The following ESRRB variants were observed in gnomAD, a reference collection of about 807,000 sequenced individuals.
ESRRB encodes the protein estrogen related receptor beta.
A neutral mutation model predicts 46.0 loss-of-function variants in ESRRB; 16 were observed. The ratio of observed to expected loss-of-function variants is 0.35; its 90% CI spans 0.24 to 0.53. The LOEUF is 0.53. Ranked by LOEUF, ESRRB falls within the 20% of genes least tolerant of loss-of-function variation. The pLI, the probability that ESRRB is intolerant of heterozygous loss-of-function variation, is 0.93. For missense variants in ESRRB, 488 were observed against 607.4 expected, an observed-to-expected ratio of 0.80 and a Z score of 2.07; for synonymous variants, 246 against 259.6, an observed-to-expected ratio of 0.95 and a Z score of 0.50.
chr14:76,352,180 C>T (rs568578099), intron 1 of ESRRB, among the ~76,000 whole-genome samples: 1 of 152,254 alleles, frequency 6.6e-6, no homozygotes, highest in African/African-American at 2.4e-5. Context: ...CCCTCCTTTA[C>T]CCGCCTGACT....
chr14:76,325,315 G>T (rs1160711342), intron 1 of ESRRB, among the ~76,000 whole-genome samples: 1 of 152,122 alleles, frequency 6.6e-6, no homozygotes, highest in Non-Finnish European at 1.5e-5. Context: ...AAATACGGAA[G>T]ATAAATTCTT....
At chr14:76,327,087 G>A (rs988805980) in intron 1 of ESRRB, among the ~76,000 whole-genome samples, 2 of 152,256 alleles carry the variant, frequency 1.3e-5, no homozygotes, top group African/African-American at 2.4e-5. Flanking sequence ...CTTCCTGGCT[G>A]CTGGGCAAGT....
chr14:76,328,894 A>G (rs187169568), intron 1 of ESRRB, among the ~76,000 whole-genome samples: 322 of 152,236 alleles, frequency 2.1e-3, no homozygotes, highest in Non-Finnish European at 3.9e-3. Context: ...TATGTTGCAA[A>G]TATTCAAAGG....
chr14:76,422,358 G>A (rs1401253354), intron 1 of ESRRB, among the ~76,000 whole-genome samples: 5 of 151,882 alleles, frequency 3.3e-5, no homozygotes, highest in African/African-American at 2.4e-5. Context: ...CTACAGGCAC[G>A]TGCCACCACA....
At chr14:76,468,087 A>G (rs1398353526) in intron 3 of ESRRB, among the ~76,000 whole-genome samples, 4 of 152,126 alleles carry the variant, frequency 2.6e-5, no homozygotes, top group African/African-American at 9.7e-5. Flanking sequence ...TGGCCAGCTC[A>G]TGTCAGGAAA....
intron 1 of ESRRB, among the ~76,000 whole-genome samples, chr14:76,346,482 G>A (rs899313030): frequency 6.6e-6 from 1 of 152,250 alleles, no homozygotes; most frequent in Non-Finnish European, 1.5e-5. Context: ...GAGGCAGAGA[G>A]CATAGGGGTC....
intron 1 of ESRRB, among the ~76,000 whole-genome samples, chr14:76,386,748 T>A (rs994979993): frequency 5.9e-5 from 9 of 152,142 alleles, no homozygotes; most frequent in African/African-American, 2.2e-4. Context: ...ATTTTACCAA[T>A]ATGAATGTGT....
chr14:76,452,234 C>T lies in ESRRB; in HGVS notation c.461-10311C>T, dbSNP rs529301526. 3.3e-5 allele frequency among the ~76,000 whole-genome samples: 5 copies of T among 152,114 alleles called. No individual in the cohort carries two copies. The South Asian group carries it at 1.0e-3, about 32-fold the overall frequency. On this transcript the variant is annotated intron_variant, in intron 2 of 6. Coordinates refer to ENST00000644823, the MANE Select transcript of ESRRB (RefSeq NM_001379180.1). ...GGATTACAGGTGTGAGCCATTACAT[C>T]CGGCCACAGGAAGCAATTTTAACAG...
intron 1 of ESRRB, among the ~76,000 whole-genome samples, chr14:76,323,144 A>T (rs562388867): frequency 6.6e-6 from 1 of 152,078 alleles, no homozygotes; most frequent in Non-Finnish European, 1.5e-5. Flanking sequence ...CCTTTTCTCT[A>T]TGCCACAGTG....
At chr14:76,350,405 G>A (rs1000354840) in intron 1 of ESRRB, among the ~76,000 whole-genome samples, 7 of 152,124 alleles carry the variant, frequency 4.6e-5, no homozygotes, top group East Asian at 3.9e-4. Flanking sequence ...ATATGCCTGC[G>A]AATGTTTGTA....
chr14:76,366,986 G>A (rs2139776754), upstream of ESRRB, among the ~76,000 whole-genome samples: 1 of 152,272 alleles, frequency 6.6e-6, no homozygotes, highest in East Asian at 1.9e-4. Flanking sequence ...ATAATTAAAT[G>A]GAAAGAAAGT....
intron 1 of ESRRB, among the ~76,000 whole-genome samples, chr14:76,352,270 A>G (rs1359826241): frequency 6.6e-6 from 1 of 152,202 alleles, no homozygotes; most frequent in Non-Finnish European, 1.5e-5. Flanking sequence ...GAACCTATGT[A>G]AATGCCTTAA....
chr14:76,495,497 G>C (rs1321385993), intron 6 of ESRRB: 1 of 151,498 alleles, frequency 6.6e-6, no homozygotes, highest in Non-Finnish European at 1.5e-5. Flanking sequence ...TTGAGCATGA[G>C]GCCCTCTTGC....
chr14:76,485,866 T>C lies in ESRRB; in HGVS notation c.850+3107T>C, dbSNP rs111369143. 9.7e-3 allele frequency among the ~76,000 whole-genome samples: 1,471 copies of C among 152,272 alleles called. 19 individuals are homozygous for C. Among genetic ancestry groups the C allele is most frequent in the African/African-American group, 0.033 (1,387 of 41,546 alleles). On this transcript the variant is annotated intron_variant, in intron 5 of 6. Transcript: ENST00000644823. Reference sequence around the variant, plus strand: ...AGGTACCGCATCTCACGAGAGGGCATTGCACACTTAGCTTTGCATGCACAT... The same window carrying C: ...AGGTACCGCATCTCACGAGAGGGCACTGCACACTTAGCTTTGCATGCACAT...
upstream of ESRRB, among the ~76,000 whole-genome samples, chr14:76,370,245 A>G (rs1013045004): frequency 2.5e-4 from 37 of 148,480 alleles, no homozygotes; most frequent in African/African-American, 7.5e-5. Context: ...AAAAAACACA[A>G]AAGTTAGCCA....
intron 1 of ESRRB, among the ~76,000 whole-genome samples, chr14:76,336,988 G>C (rs1463773603): frequency 6.6e-6 from 1 of 152,092 alleles, no homozygotes; most frequent in Admixed American, 6.5e-5. Context: ...CCCTGCAGGA[G>C]GTGAGGGAGA....
intron 1 of ESRRB, among the ~76,000 whole-genome samples, chr14:76,331,138 G>A (rs181892986): frequency 8.5e-5 from 13 of 152,234 alleles, no homozygotes; most frequent in Admixed American, 7.2e-4. Flanking sequence ...CCCTGAAGCT[G>A]CCGTCCCAAA....
intron 5 of ESRRB, 24 bp from the exon 6 acceptor site, chr14:76,491,423 C>A: frequency 6.2e-7 from 1 of 1,606,466 alleles, no homozygotes; most frequent in Non-Finnish European, 8.5e-7. Flanking sequence ...CTGCTGCTGC[C>A]CTCTGTGCCC....
At position 76,498,405 on chromosome 14, in the gene ESRRB, G is replaced by A. The variant is rs758250593; in HGVS notation, c.1312G>A (p.Gly438Ser). The A allele has an allele frequency of 1.2e-6, 2 of 1,613,512 alleles. No homozygotes were observed. The highest frequency in any genetic ancestry group is 1.7e-6 in the Non-Finnish European group (2 of 1,179,976). The change falls in exon 7 of 7, where the codon GGC becomes AGC. Residue 438 changes from glycine (G) to serine (S), a missense_variant. By Grantham distance (56) the Gly-to-Ser change is moderately conservative. Transcript: ENST00000644823. ...GCACTTCTATAGCGTCAAACTGCAGGGCAAAGTGCCCATGCACAAACTCTT... is the reference window on the plus strand; with the variant it reads ...GCACTTCTATAGCGTCAAACTGCAGAGCAAAGTGCCCATGCACAAACTCTT... ...VQHFYSVKLQ[G>S]KVPMHKLFLE...
Sources: gnomAD v4.1 joint callset for allele counts (sites outside exome capture counted in the v4.1 genomes callset) on GRCh38, gnomAD v4.1.1 for gene constraint, MANE v1.5 for transcripts, NCBI Gene and HGNC (gene_info 2026-07-23, HGNC 2026-07-21) for gene names.